The following DPY19L1 variants were observed in gnomAD, a reference collection of about 807,000 sequenced individuals.
DPY19L1 encodes protein C-mannosyl-transferase DPY19L1.
DPY19L1 carries 35 observed loss-of-function variants against 96.9 expected under a neutral mutation model. The observed-to-expected ratio is 0.36, with a 90% CI of 0.28 to 0.48. The LOEUF (loss-of-function observed/expected upper bound fraction) is 0.48. Among genes scored for constraint, DPY19L1 ranks in the 20% least tolerant of loss-of-function variants. The pLI, the probability that DPY19L1 is intolerant of heterozygous loss-of-function variation, is 0.99. For missense variants in DPY19L1, 521 were observed against 777.9 expected, an observed-to-expected ratio of 0.67 and a Z score of 3.93; for synonymous variants, 205 against 252.6, an observed-to-expected ratio of 0.81 and a Z score of 1.79.
At chr7:34,934,346 G>C (rs1353908118) in intron 21 of DPY19L1, among the ~76,000 whole-genome samples, 4 of 152,080 alleles carry the variant, frequency 2.6e-5, no homozygotes, top group Non-Finnish European at 4.4e-5. Flanking sequence ...ATTATTCTGG[G>C]ACTGTATACT....
intron 13 of DPY19L1, among the ~76,000 whole-genome samples, chr7:34,952,728 T>C (rs952426952): frequency 1.3e-5 from 2 of 152,074 alleles, no homozygotes; most frequent in Non-Finnish European, 2.9e-5. Context: ...TCAACACTCA[T>C]ATATCAAAAA....
intron 13 of DPY19L1, among the ~76,000 whole-genome samples, chr7:34,952,619 C>T (rs751304817): frequency 9.9e-5 from 15 of 151,956 alleles, no homozygotes; most frequent in Non-Finnish European, 1.5e-4. Context: ...GAGTAATAGA[C>T]GAAAAACACC....
At chr7:34,932,731 A>G (rs1783779775) in intron 21 of DPY19L1, among the ~76,000 whole-genome samples, 1 of 152,210 alleles carries the variant, frequency 6.6e-6, no homozygotes, top group Non-Finnish European at 1.5e-5. Flanking sequence ...TTTATCTTAA[A>G]TCAAGAACAG....
At chr7:34,984,318 C>G (rs777420956) in intron 7 of DPY19L1, among the ~76,000 whole-genome samples, 24 of 152,128 alleles carry the variant, frequency 1.6e-4, no homozygotes, top group South Asian at 4.1e-4. Context: ...ATTAGGCACA[C>G]GTCAAGATGA....
chr7:34,976,325 C>G (rs1278064291), intron 7 of DPY19L1, among the ~76,000 whole-genome samples: 1 of 152,128 alleles, frequency 6.6e-6, no homozygotes, highest in Non-Finnish European at 1.5e-5. Flanking sequence ...ATGGAAATGG[C>G]AAGATAACTA....
At chr7:34,975,593 A>G (rs1311836578) in intron 7 of DPY19L1, among the ~76,000 whole-genome samples, 1 of 152,192 alleles carries the variant, frequency 6.6e-6, no homozygotes. Context: ...TTGCTGCACT[A>G]AACAACAGGG....
intron 1 of DPY19L1, among the ~76,000 whole-genome samples, chr7:35,030,190 C>T (rs1281564788): frequency 1.3e-5 from 2 of 152,174 alleles, no homozygotes; most frequent in African/African-American, 2.4e-5. Context: ...AACTCCAACA[C>T]TGAAAAGCTA....
intron 6 of DPY19L1, among the ~76,000 whole-genome samples, chr7:34,992,098 C>A (rs1209472079): frequency 6.6e-6 from 1 of 152,178 alleles, no homozygotes; most frequent in Non-Finnish European, 1.5e-5. Context: ...CTGCAGCAGT[C>A]CACACTCTTG....
chr7:34,972,541 A>G (rs1269189869), intron 8 of DPY19L1, among the ~76,000 whole-genome samples: 5 of 152,110 alleles, frequency 3.3e-5, no homozygotes, highest in Non-Finnish European at 7.4e-5. Flanking sequence ...TGGAGAAAAA[A>G]GCCACGGTCA....
At chr7:34,978,793 T>G (rs1784880603) in intron 7 of DPY19L1, among the ~76,000 whole-genome samples, 2 of 152,150 alleles carry the variant, frequency 1.3e-5, no homozygotes, top group South Asian at 4.1e-4. Flanking sequence ...TGAGCATCGC[T>G]AATCCAAAAA....
At chr7:34,938,956 A>T (rs1783932135) in intron 20 of DPY19L1, 1 of 203,620 alleles carries the variant, frequency 4.9e-6, no homozygotes, top group African/African-American at 2.3e-5. Context: ...CTCTAAGCTA[A>T]ACTCCCCAGG....
intron 1 of DPY19L1, among the ~76,000 whole-genome samples, chr7:35,031,223 G>A (rs1429791087): frequency 4.0e-5 from 6 of 151,788 alleles, no homozygotes. Flanking sequence ...ATAGTAGGCG[G>A]AAAAAAAATC....
At position 34,931,661 on chromosome 7, in the gene DPY19L1, C is replaced by T. The variant is rs1396542020; in HGVS notation, c.2159G>A (p.Cys720Tyr). The T allele has an allele frequency of 1.3e-6, 2 of 1,599,460 alleles. No homozygotes were observed. Among genetic ancestry groups the T allele is most frequent in the South Asian group, 2.3e-5 (2 of 87,950 alleles). ...TTTGGAATCCTTCACCAAGAGGTTACATAAGGGAGTTTTCCCAGCATTGGC... is the reference window on the plus strand; with the variant it reads ...TTTGGAATCCTTCACCAAGAGGTTATATAAGGGAGTTTTCCCAGCATTGGC... ...DPANAGKTPL[C>Y]NLLVKDSKPH... is the part of the protein sequence containing the mutation. The change falls in exon 22 of 22, where the codon TGT becomes TAT. Residue 720 changes from cysteine to tyrosine, a missense_variant. Cys to Tyr is a radical substitution (Grantham distance 194, BLOSUM62 -2). Transcript: ENST00000638088.
chr7:35,015,444 G>T (rs1001236878), intron 3 of DPY19L1, among the ~76,000 whole-genome samples: 12 of 152,068 alleles, frequency 7.9e-5, no homozygotes, highest in African/African-American at 2.9e-4. Context: ...AAACCAAGAT[G>T]GCAACTAAAG....
rs1413952216 is a variant in DPY19L1 at position 34,930,935 on chromosome 7, G to C, written c.*638C>G. The C allele has an allele frequency of 2.0e-5, 3 of 152,286 alleles. No homozygotes were observed. Among genetic ancestry groups the C allele is most frequent in the African/African-American group, 7.2e-5 (3 of 41,552 alleles). The allele number at this position is 152,286 out of a possible 1,614,324, so 9.4% of individuals were successfully genotyped here. ...GAGACACGATAATGCCATATGGCTG[G>C]AAGTTAAGGGAATTTCCTAACCACA... is the stretch of plus-strand genomic sequence containing the variant. On this transcript the variant is annotated 3_prime_UTR_variant, in exon 22 of 22. Coordinates refer to ENST00000638088, the MANE Select transcript of DPY19L1 (RefSeq NM_001366673.1).
intron 1 of DPY19L1, among the ~76,000 whole-genome samples, chr7:35,020,673 T>C (rs1476011793): frequency 6.6e-6 from 1 of 152,220 alleles, no homozygotes; most frequent in African/African-American, 2.4e-5. Flanking sequence ...TGTTAATTCA[T>C]ATAGTTTTTT....
intron 6 of DPY19L1, among the ~76,000 whole-genome samples, chr7:34,994,759 G>A (rs1785246922): frequency 6.6e-6 from 1 of 151,424 alleles, no homozygotes; most frequent in South Asian, 2.1e-4. Flanking sequence ...AGCCAAGACT[G>A]TGCCACTGTA....
chr7:35,037,422 G>C lies in DPY19L1; in HGVS notation c.-28C>G, dbSNP rs1378449229. On this transcript the variant is annotated 5_prime_UTR_variant, in exon 1 of 22. Transcript: ENST00000638088. ...TGGCATAGTCGCGCCCGCTCGCTGC[G>C]CGCGCCCGGACGGCGGCCAGAGAAC... 1 of 325,598 alleles carries C rather than the reference G, an allele frequency of 3.1e-6. No homozygotes were observed. The allele number at this position is 325,598 out of a possible 1,614,324, so 20.2% of individuals were successfully genotyped here.
intron 10 of DPY19L1, among the ~76,000 whole-genome samples, chr7:34,959,770 G>A (rs937630146): frequency 4.6e-5 from 7 of 151,452 alleles, no homozygotes; most frequent in East Asian, 1.9e-4. Flanking sequence ...TGTAGATGAC[G>A]GGTTGATGGG....
Sources: gnomAD v4.1 joint callset for allele counts (sites outside exome capture counted in the v4.1 genomes callset) on GRCh38, gnomAD v4.1.1 for gene constraint, MANE v1.5 for transcripts, NCBI Gene and HGNC (gene_info 2026-07-23, HGNC 2026-07-21) for gene names.